XIRP2: variants seen among roughly 807,000 people sequenced by gnomAD.
The protein encoded by XIRP2 is xin actin-binding repeat-containing protein 2.
XIRP2 carries 236 observed loss-of-function variants against 277.0 expected under a neutral mutation model. The ratio of observed to expected loss-of-function variants is 0.85; its 90% confidence interval spans 0.77 to 0.95. The LOEUF (loss-of-function observed/expected upper bound fraction) is 0.95, where lower values mean the gene tolerates loss of function less well. Among genes scored for constraint, XIRP2 ranks in the 40% least tolerant of loss-of-function variants. XIRP2 has a pLI of 0.00. For synonymous variants in XIRP2, 1,490 were observed against 1,416.5 expected (o/e 1.05, Z -1.17); for missense variants, 4,640 against 4,157.5 (o/e 1.12, Z -3.19).
At chr2:167,182,249 C>A (rs927512803) in intron 3 of XIRP2, among the ~76,000 whole-genome samples, 1 of 152,096 alleles carries the variant, frequency 6.6e-6, no homozygotes, top group Non-Finnish European at 1.5e-5. Flanking sequence ...AATTGGTGGG[C>A]TAGTGTTTTG....
chr2:167,065,051 A>G (rs755000173), intron 2 of XIRP2, among the ~76,000 whole-genome samples: 5 of 151,942 alleles, frequency 3.3e-5, no homozygotes, highest in Non-Finnish European at 7.4e-5. Context: ...TGGTAATTCT[A>G]CATTTACAGT....
chr2:166,898,378 T>C (rs1431006329), intron 1 of XIRP2, among the ~76,000 whole-genome samples: 1 of 152,182 alleles, frequency 6.6e-6, no homozygotes, highest in East Asian at 1.9e-4. Context: ...ATTGCCATCC[T>C]ATGCCACTGC....
intron 3 of XIRP2, among the ~76,000 whole-genome samples, chr2:167,165,949 T>C (rs1349077300): frequency 1.3e-5 from 2 of 152,220 alleles, no homozygotes; most frequent in Non-Finnish European, 2.9e-5. Flanking sequence ...TCTTACCTTC[T>C]AGGAGTTTTG....
At chr2:167,192,598 T>C (rs925537182) in intron 3 of XIRP2, among the ~76,000 whole-genome samples, 1 of 152,210 alleles carries the variant, frequency 6.6e-6, no homozygotes, top group Admixed American at 6.5e-5. Flanking sequence ...GGTATATTCT[T>C]GGAAAAGGAC....
At chr2:167,055,165 T>C (rs1297294579) in intron 2 of XIRP2, among the ~76,000 whole-genome samples, 23 of 152,184 alleles carry the variant, frequency 1.5e-4, no homozygotes, top group Admixed American at 1.5e-3. Context: ...CCTTAGTATT[T>C]TGTAAAACCT....
chr2:167,023,410 G>C (rs1352576173), intron 2 of XIRP2, among the ~76,000 whole-genome samples: 2 of 151,876 alleles, frequency 1.3e-5, no homozygotes, highest in Non-Finnish European at 2.9e-5. Flanking sequence ...TAGGTTGCCT[G>C]TTCACTCTGA....
chr2:167,211,758 A>G (rs532124901), intron 4 of XIRP2, among the ~76,000 whole-genome samples: 73 of 152,338 alleles, frequency 4.8e-4, no homozygotes, highest in African/African-American at 1.6e-3. Flanking sequence ...AGAGATTAGC[A>G]ATGTAGACAC....
rs775736106 is a variant in XIRP2 at position 167,247,800 on chromosome 2, G to A, written c.6408G>A (p.Met2136Ile). 6.2e-7 allele frequency: 1 copy of A among 1,613,128 alleles called. No homozygotes were observed. The highest frequency in any genetic ancestry group is 2.2e-5 in the East Asian group (1 of 44,816). The change falls in exon 9 of 11, where the codon ATG (methionine) becomes ATA (isoleucine). Residue 2136 changes from methionine (M) to isoleucine (I), a missense_variant. Physicochemically the swap from Met to Ile is conservative, Grantham distance 10. Coordinates refer to ENST00000409195, the MANE Select transcript of XIRP2 (RefSeq NM_152381.6). ...TYELRNDHQK[M>I]EGFHIKSPKK... ...AACTGAGAAATGACCACCAGAAAAT[G>A]GAGGGTTTTCATATAAAGAGTCCTA...
chr2:167,236,834 T>A (rs780826067), intron 5 of XIRP2, among the ~76,000 whole-genome samples: 6 of 152,174 alleles, frequency 3.9e-5, no homozygotes, highest in African/African-American at 7.2e-5. Context: ...TATAACATTT[T>A]ATTTAATTTG....
intron 2 of XIRP2, among the ~76,000 whole-genome samples, chr2:167,100,387 A>G (rs1357675018): frequency 6.6e-6 from 1 of 152,202 alleles, no homozygotes; most frequent in Non-Finnish European, 1.5e-5. Flanking sequence ...TGAATAATAA[A>G]TAATGTAACT....
chr2:167,055,298 A>G (rs1233841151), intron 2 of XIRP2, among the ~76,000 whole-genome samples: 1 of 152,174 alleles, frequency 6.6e-6, no homozygotes, highest in Non-Finnish European at 1.5e-5. Flanking sequence ...GAAAAATCAC[A>G]AATCAAGAGT....
At chr2:166,927,994 C>A (rs1685234814) in intron 2 of XIRP2, among the ~76,000 whole-genome samples, 1 of 152,022 alleles carries the variant, frequency 6.6e-6, no homozygotes, top group African/African-American at 2.4e-5. Context: ...TTCTAACATT[C>A]AAAAATGGAA....
At chr2:167,169,349 C>T (rs898761274) in intron 3 of XIRP2, among the ~76,000 whole-genome samples, 5 of 152,160 alleles carry the variant, frequency 3.3e-5, no homozygotes, top group Admixed American at 6.5e-5. Context: ...GACTGCGTGG[C>T]CCTGGGATTT....
intron 9 of XIRP2, among the ~76,000 whole-genome samples, chr2:167,252,521 T>A (rs1258951528): frequency 6.6e-6 from 1 of 151,992 alleles, no homozygotes; most frequent in Non-Finnish European, 1.5e-5. Flanking sequence ...ATGCCACATT[T>A]TTTTCTAACT....
intron 5 of XIRP2, among the ~76,000 whole-genome samples, chr2:167,223,783 G>C (rs999367144): frequency 6.6e-6 from 1 of 152,056 alleles, no homozygotes; most frequent in African/African-American, 2.4e-5. Flanking sequence ...ATCTTGTATT[G>C]TCTTTTAATT....
intron 2 of XIRP2, among the ~76,000 whole-genome samples, chr2:167,090,544 T>C (rs12476854): frequency 0.74 from 112,275 of 151,960 alleles, 44,062 homozygotes; most frequent in Non-Finnish European, 0.87. Flanking sequence ...TTGTCTCAGT[T>C]CATTTTGTGT....
At chr2:167,187,215 G>A in intron 3 of XIRP2, 1 of 981,326 alleles carries the variant, frequency 1.0e-6, no homozygotes, top group Non-Finnish European at 1.2e-6. Flanking sequence ...ACATTACTGA[G>A]GGCACTATGA....
At chr2:167,056,099 T>C (rs1051353671) in intron 2 of XIRP2, among the ~76,000 whole-genome samples, 1 of 152,118 alleles carries the variant, frequency 6.6e-6, no homozygotes, top group African/African-American at 2.4e-5. Context: ...AGTAGACCAG[T>C]TCCTCTTACA....
chr2:167,239,866 T>C lies in XIRP2; in HGVS notation c.870T>C (p.His290=), dbSNP rs768292300. Residue 290 remains histidine (H), a synonymous_variant, in exon 6 of 11, where the codon CAT becomes CAC. Transcript: ENST00000409195. ...HQNRSEQEAI[H]SSQVGTSRSS... ...CTGTGTGCTTTCAGGAGGCAATTCA[T>C]AGCAGCCAGGTTGGCACTTCAAGAA... The C allele has an allele frequency of 1.1e-5, 17 of 1,608,358 alleles. No individual in the cohort carries two copies. The highest frequency in any genetic ancestry group is 1.1e-5 in the South Asian group (1 of 89,690).
Sources: allele counts gnomAD v4.1 joint callset (sites outside exome capture counted in the v4.1 genomes callset), GRCh38; gene constraint gnomAD v4.1.1; transcripts MANE v1.5; gene names NCBI Gene and HGNC (gene_info 2026-07-23, HGNC 2026-07-21).